LRRC4C: variants seen among roughly 807,000 people sequenced by gnomAD.
LRRC4C encodes the protein leucine rich repeat containing 4C.
A neutral mutation model predicts 33.6 loss-of-function variants in LRRC4C; 5 were observed. The observed-to-expected ratio is 0.15, with a 90% CI of 0.08 to 0.31. The LOEUF is 0.31. LRRC4C is among the 10% of genes least tolerant of loss of function. The probability of loss-of-function intolerance (pLI) is 1.00; values close to 1 mark genes in which losing one functional copy is unlikely to be tolerated. For synonymous variants in LRRC4C, 329 were observed against 302.0 expected (o/e 1.09, Z -0.93); for missense variants, 560 against 796.7 (o/e 0.70, Z 3.58).
chr11:41,385,162 T>C (rs1293732741), intron 1 of LRRC4C, among the ~76,000 whole-genome samples: 2 of 151,168 alleles, frequency 1.3e-5, no homozygotes, highest in East Asian at 2.0e-4. Context: ...TTAGTGTCAA[T>C]TGGGAGATTC....
intron 4 of LRRC4C, among the ~76,000 whole-genome samples, chr11:40,246,511 C>A (rs958145025): frequency 6.6e-6 from 1 of 152,138 alleles, no homozygotes; most frequent in African/African-American, 2.4e-5. Flanking sequence ...ATTCTTCTAA[C>A]TTAACTGTGA....
At chr11:41,328,804 C>T (rs1951204028) in intron 1 of LRRC4C, among the ~76,000 whole-genome samples, 1 of 152,204 alleles carries the variant, frequency 6.6e-6, no homozygotes, top group Admixed American at 6.5e-5. Flanking sequence ...CTCTCAGACT[C>T]AAGCCAGGCT....
At chr11:40,382,724 C>T (rs953088734) in intron 3 of LRRC4C, among the ~76,000 whole-genome samples, 13 of 123,686 alleles carry the variant, frequency 1.1e-4, no homozygotes, top group Non-Finnish European at 7.9e-5. Flanking sequence ...GACAGAGTCT[C>T]GCTCTGTCGC....
At chr11:40,787,266 G>GC (rs1200883971) in intron 2 of LRRC4C, among the ~76,000 whole-genome samples, 2 of 152,118 alleles carry the variant, frequency 1.3e-5, no homozygotes, top group Non-Finnish European at 2.9e-5. Context: ...CCAACTGGGG[G>GC]GGGTAGGGGG....
intron 3 of LRRC4C, among the ~76,000 whole-genome samples, chr11:40,406,822 TATTGTATGCTA>T (rs1949980322): frequency 6.6e-6 from 1 of 152,112 alleles, no homozygotes. Flanking sequence ...TTAAGACAAC[TATTGTATGCTA>T]AGGCTAGTAG....
chr11:40,465,858 A>G (rs1590825071), intron 3 of LRRC4C, among the ~76,000 whole-genome samples: 1 of 152,192 alleles, frequency 6.6e-6, no homozygotes, highest in East Asian at 1.9e-4. Context: ...TATGGACAAC[A>G]GTGTGGAGAT....
At chr11:40,924,713 C>T (rs1434815832) in intron 2 of LRRC4C, among the ~76,000 whole-genome samples, 1 of 152,002 alleles carries the variant, frequency 6.6e-6, no homozygotes, top group Non-Finnish European at 1.5e-5. Context: ...CTGACTTGAT[C>T]GTTAACACAT....
At chr11:41,108,379 C>T (rs536767864) in intron 1 of LRRC4C, among the ~76,000 whole-genome samples, 1 of 152,204 alleles carries the variant, frequency 6.6e-6, no homozygotes, top group South Asian at 2.1e-4. Context: ...GTTAGTAATA[C>T]ATTTTAATTT....
chr11:40,443,324 G>A (rs2137988683), intron 3 of LRRC4C, among the ~76,000 whole-genome samples: 1 of 152,294 alleles, frequency 6.6e-6, no homozygotes, highest in Admixed American at 6.5e-5. Flanking sequence ...TTCTGTGGCG[G>A]CGCTTTCATT....
At chr11:40,719,088 A>G (rs1373696250) in intron 2 of LRRC4C, among the ~76,000 whole-genome samples, 3 of 152,226 alleles carry the variant, frequency 2.0e-5, no homozygotes, top group African/African-American at 7.2e-5. Flanking sequence ...AGTCTCTAGC[A>G]TGAATCATTT....
intron 5 of LRRC4C, among the ~76,000 whole-genome samples, chr11:40,145,137 T>C (rs1857635597): frequency 6.6e-6 from 1 of 152,188 alleles, no homozygotes; most frequent in Non-Finnish European, 1.5e-5. Context: ...TAAATGTTTC[T>C]TGAATAAGAT....
intron 1 of LRRC4C, among the ~76,000 whole-genome samples, chr11:41,040,106 C>G (rs1590326764): frequency 6.8e-6 from 1 of 146,488 alleles, no homozygotes; most frequent in African/African-American, 2.6e-5. Context: ...CCACTGCACT[C>G]CAGCCTGGGC....
chr11:40,945,051 G>A (rs796751439), intron 1 of LRRC4C, among the ~76,000 whole-genome samples: 38 of 125,488 alleles, frequency 3.0e-4, no homozygotes, highest in African/African-American at 1.1e-3. Context: ...TTTTTGAGAC[G>A]GAGTCTTGCT....
intron 2 of LRRC4C, among the ~76,000 whole-genome samples, chr11:40,819,131 T>C (rs1951820356): frequency 6.6e-6 from 1 of 152,226 alleles, no homozygotes; most frequent in East Asian, 1.9e-4. Context: ...TCAAAAGTTA[T>C]CTAATGGTGA....
chr11:40,648,799 G>A (rs1030071808), intron 2 of LRRC4C, among the ~76,000 whole-genome samples: 9 of 152,250 alleles, frequency 5.9e-5, no homozygotes, highest in African/African-American at 7.2e-5. Context: ...ATATTTCAGC[G>A]TAGGTTCTTT....
intron 5 of LRRC4C, among the ~76,000 whole-genome samples, chr11:40,226,710 C>T (rs1351115923): frequency 6.6e-6 from 1 of 152,128 alleles, no homozygotes; most frequent in South Asian, 2.1e-4. Context: ...GCGCTATGAT[C>T]CTGAGAAAAT....
intron 1 of LRRC4C, among the ~76,000 whole-genome samples, chr11:41,208,702 G>T (rs1289672299): frequency 6.6e-6 from 1 of 152,240 alleles, no homozygotes; most frequent in Non-Finnish European, 1.5e-5. Flanking sequence ...CAAGAAAATA[G>T]AAGAATGGTC....
intron 1 of LRRC4C, among the ~76,000 whole-genome samples, chr11:41,137,499 T>A (rs1943318002): frequency 6.6e-6 from 1 of 152,172 alleles, no homozygotes; most frequent in Non-Finnish European, 1.5e-5. Context: ...ATAATGCATA[T>A]GCTTATAAAG....
chr11:41,277,342 A>T (rs1591134894), intron 1 of LRRC4C, among the ~76,000 whole-genome samples: 1 of 152,156 alleles, frequency 6.6e-6, no homozygotes, highest in African/African-American at 2.4e-5. Flanking sequence ...TTGCCATTAC[A>T]CTCAATTTTT....
Sources: gnomAD v4.1 joint callset for allele counts (sites outside exome capture counted in the v4.1 genomes callset) on GRCh38, gnomAD v4.1.1 for gene constraint, MANE v1.5 for transcripts, NCBI Gene and HGNC (gene_info 2026-07-23, HGNC 2026-07-21) for gene names.